Variants in ART1 observed in about 807,000 individuals in gnomAD.
ART1 encodes ADP-ribosyltransferase 1.
ART1 carries 29 observed loss-of-function variants against 27.0 expected under a neutral mutation model. The observed-to-expected ratio is 1.08, with a 90% CI of 0.80 to 1.47. ART1 has a LOEUF of 1.47. Among genes scored for constraint, ART1 ranks in the 40% most tolerant of loss-of-function variants. ART1 has a pLI of 0.00. For synonymous variants in ART1, 201 were observed against 172.2 expected (o/e 1.17, Z -1.31); for missense variants, 480 against 423.0 (o/e 1.13, Z -1.18).
rs143630775 is a variant in ART1, at chr11:3,663,963, A to C, written c.887-129A>C. On this transcript the variant is annotated intron_variant, in intron 4 of 4. Transcript: ENST00000250693. ...GTTGCCCGTGGCAGTTTTGTGTATC[A>C]GTCTGTCCAGCTCACTCTGCCAATC... is the stretch of plus-strand genomic sequence containing the variant. 41 of 783,754 alleles carry C rather than the reference A, an allele frequency of 5.2e-5. No individual in the cohort carries two copies. The African/African-American group carries it at 6.9e-4, about 13-fold the overall frequency. The allele number at this position is 783,754 out of a possible 1,614,324, so 48.5% of individuals were successfully genotyped here.
At chr11:3,649,768 G>A (rs554286262) in intron 1 of ART1, among the ~76,000 whole-genome samples, 51 of 152,308 alleles carry the variant, frequency 3.3e-4, no homozygotes, top group African/African-American at 1.2e-3. Flanking sequence ...CGTAGTCAAG[G>A]TTAATGCTCC....
At chr11:3,648,877 C>G (rs771313002) in intron 1 of ART1, among the ~76,000 whole-genome samples, 96 of 152,214 alleles carry the variant, frequency 6.3e-4, no homozygotes, top group South Asian at 4.2e-4. Context: ...TTCTCCTTCA[C>G]CCTTAGCGGC....
In ART1 at chr11:3,661,326, C is replaced by T. The variant is rs772286283; in HGVS notation, c.845-46C>T. On this transcript the variant is annotated intron_variant, in intron 3 of 4. Transcript: ENST00000250693. ...CAGGGCTCTGAGGTCCCTTTCCATC[C>T]TGACAGCTCCTGAGCCTTTCATTCT... 5.1e-6 allele frequency: 8 copies of T among 1,583,486 alleles called. No individual in the cohort carries two copies. The Admixed American group carries it at 1.3e-4, about 25-fold the overall frequency.
rs545803030 is a variant in ART1, at chr11:3,653,096, G to A, written c.-52-6066G>A. Among the ~76,000 whole-genome samples, 237 of 147,524 alleles carry A rather than the reference G, an allele frequency of 1.6e-3. 9 individuals carry two copies. The highest frequency in any genetic ancestry group is 2.5e-3 in the Non-Finnish European group (172 of 67,802). On this transcript the variant is annotated intron_variant, in intron 1 of 4. Coordinates refer to ENST00000250693, the MANE Select transcript of ART1 (RefSeq NM_004314.3). ...AATCTCTCCCACTCGAGGTTCCCAC[G>A]CTGCCCCTAATCAAAGCAGCCCTGA... is the stretch of plus-strand genomic sequence containing the variant.
At chr11:3,648,653 C>T (rs1303336431) in intron 1 of ART1, among the ~76,000 whole-genome samples, 2 of 152,222 alleles carry the variant, frequency 1.3e-5, no homozygotes, top group East Asian at 3.8e-4. Context: ...GGAAGGCAGC[C>T]TTCCCTTGGT....
rs1298232846 is a variant in ART1 at position 3,660,282 on chromosome 11, A to G, written c.763A>G (p.Ser255Gly). ...TGAGACCTTCCAAGTGATCAATGCC[A>G]GCAGACTGGCCCAGGGCCCCGCCCG... ...PFETFQVINA[S>G]RLAQGPARIY... Residue 255 changes from serine to glycine, a missense_variant, in exon 3 of 5, where the codon AGC becomes GGC. Ser to Gly is a moderately conservative substitution (Grantham distance 56). Coordinates refer to ENST00000250693, the MANE Select transcript of ART1 (RefSeq NM_004314.3). The G allele has an allele frequency of 6.2e-7, 1 of 1,612,238 alleles. No homozygotes were observed. The highest frequency in any genetic ancestry group is 8.5e-7 in the Non-Finnish European group (1 of 1,180,000).
At position 3,660,224 on chromosome 11, in the gene ART1, C is replaced by G; in HGVS notation, c.705C>G (p.Phe235Leu). The change falls in exon 3 of 5, where the codon TTC (phenylalanine) becomes TTG (leucine). Residue 235 changes from phenylalanine to leucine, a missense_variant. Physicochemically the swap from Phe to Leu is conservative, Grantham distance 22. Transcript: ENST00000250693. ...CCCCTATCAAGGGCTACTCCTTCTT[C>G]CCTGGAGAGGAAGAGGTGCTGATCC... ...LGAPIKGYSFFPGEEEVLIPP... is the reference protein window; with the variant it reads ...LGAPIKGYSFLPGEEEVLIPP... 1 of 1,614,058 alleles carries G rather than the reference C, an allele frequency of 6.2e-7. No individual in the cohort carries two copies. The highest frequency in any genetic ancestry group is 8.5e-7 in the Non-Finnish European group (1 of 1,180,046).
In ART1 at chr11:3,657,287, AAC is replaced by A. The variant is rs528835797; in HGVS notation, c.-52-1873_-52-1872del. ...TATTACCATTTGTGTACAGAAAGAA[AAC>A]AGAGGCTGGGAGCTGTGGCTCACGC... On this transcript the variant is annotated intron_variant, in intron 1 of 4. Coordinates refer to ENST00000250693, the MANE Select transcript of ART1 (RefSeq NM_004314.3). 2.5e-3 allele frequency among the ~76,000 whole-genome samples: 388 copies of A among 152,322 alleles called. 3 individuals carry two copies. The highest frequency in any genetic ancestry group is 8.4e-3 in the African/African-American group (351 of 41,566).
At chr11:3,651,592 G>A (rs191493764) in intron 1 of ART1, among the ~76,000 whole-genome samples, 17 of 151,150 alleles carry the variant, frequency 1.1e-4, no homozygotes, top group Admixed American at 5.3e-4. Context: ...AGCGGCTGCC[G>A]CTGCTTTAAT....
intron 1 of ART1, among the ~76,000 whole-genome samples, chr11:3,652,796 G>A (rs1357018474): frequency 6.6e-6 from 1 of 151,088 alleles, no homozygotes; most frequent in East Asian, 1.9e-4. Context: ...ATCTCCTGGT[G>A]CTATCCCCAA....
chr11:3,663,053 C>CTCA (rs1554883222), intron 4 of ART1, among the ~76,000 whole-genome samples: 2 of 121,526 alleles, frequency 1.6e-5, no homozygotes, highest in African/African-American at 7.0e-5. Context: ...CTCATCTCAT[C>CTCA]TCATCTCATC....
intron 1 of ART1, among the ~76,000 whole-genome samples, chr11:3,655,065 A>G (rs999627031): frequency 6.6e-6 from 1 of 152,228 alleles, no homozygotes; most frequent in African/African-American, 2.4e-5. Context: ...GTTGACGGCA[A>G]GTGGCTTATC....
chr11:3,655,257 A>G (rs903041343), intron 1 of ART1, among the ~76,000 whole-genome samples: 2 of 152,226 alleles, frequency 1.3e-5, no homozygotes, highest in African/African-American at 4.8e-5. Flanking sequence ...ACCCACAGAC[A>G]AGTACATGGG....
intron 1 of ART1, among the ~76,000 whole-genome samples, chr11:3,653,634 T>G (rs979931182): frequency 6.6e-6 from 1 of 152,194 alleles, no homozygotes; most frequent in Non-Finnish European, 1.5e-5. Flanking sequence ...CGGACGCGCA[T>G]GAAAAGAGGA....
chr11:3,656,987 G>T (rs1385147081), intron 1 of ART1, among the ~76,000 whole-genome samples: 1 of 152,162 alleles, frequency 6.6e-6, no homozygotes, highest in African/African-American at 2.4e-5. Flanking sequence ...CATTTAAATT[G>T]TGTATTGGCA....
rs1640102280 is a variant in ART1, at chr11:3,660,018, A to T, written c.499A>T (p.Ser167Cys). 1 of 1,613,756 alleles carries T rather than the reference A, an allele frequency of 6.2e-7. No individual in the cohort carries two copies. The highest frequency in any genetic ancestry group is 1.3e-5 in the African/African-American group (1 of 74,938). The change falls in exon 3 of 5, where the codon AGC becomes TGC. Residue 167 changes from serine to cysteine, a missense_variant. Ser to Cys is a moderately radical substitution (Grantham distance 112). Coordinates refer to ENST00000250693, the MANE Select transcript of ART1 (RefSeq NM_004314.3). Reference protein sequence around the residue: ...LLTEALQLLGSGQRPPRCHQV... With the variant: ...LLTEALQLLGCGQRPPRCHQV... The stretch of plus-strand genomic sequence containing the variant: ...GACTGAGGCCCTGCAGCTCCTGGGC[A>T]GCGGCCAGCGTCCACCCCGGTGCCA...
At chr11:3,652,476 T>G (rs772433660) in intron 1 of ART1, among the ~76,000 whole-genome samples, 34 of 152,044 alleles carry the variant, frequency 2.2e-4, no homozygotes, top group Admixed American at 4.6e-4. Context: ...ACACACCTCA[T>G]CAAGCTCAGC....
In ART1 at chr11:3,659,221, T is replaced by A. The variant is rs1372118960; in HGVS notation, c.8T>A (p.Met3Lys). 1.2e-6 allele frequency: 2 copies of A among 1,614,202 alleles called. No homozygotes were observed. Among genetic ancestry groups the A allele is most frequent in the South Asian group, 1.1e-5 (1 of 91,086 alleles). MQ[M>K]PAMMSLLLVS... ...TGGCCCAGGGTCACCAGCATGCAGA[T>A]GCCTGCTATGATGTCTCTGCTTCTT... The change falls in exon 2 of 5, where the codon ATG becomes AAG. Residue 3 changes from methionine to lysine, a missense_variant. By Grantham distance (95) the Met-to-Lys change is moderately conservative. Transcript: ENST00000250693.
rs575841447 is a variant in ART1 at position 3,650,491 on chromosome 11, G to C, written c.-53+5312G>C. ...GAGTAACTCTCACAGTGGAAAGTAAGTCCGTCCCCTTCTTAATCAATATGG... is the reference window on the plus strand; with the variant it reads ...GAGTAACTCTCACAGTGGAAAGTAACTCCGTCCCCTTCTTAATCAATATGG... On this transcript the variant is annotated intron_variant, in intron 1 of 4. Transcript: ENST00000250693. 3.8e-4 allele frequency among the ~76,000 whole-genome samples: 58 copies of C among 152,276 alleles called. 1 individual carries two copies. The highest frequency in any genetic ancestry group is 6.2e-4 in the Non-Finnish European group (42 of 68,020).
Sources: allele counts gnomAD v4.1 joint callset (sites outside exome capture counted in the v4.1 genomes callset), GRCh38; gene constraint gnomAD v4.1.1; transcripts MANE v1.5; gene names NCBI Gene and HGNC (gene_info 2026-07-23, HGNC 2026-07-21).